Variants in CFAP47 observed in about 807,000 individuals in gnomAD.
CFAP47 encodes the protein cilia- and flagella-associated protein 47.
CFAP47 carries 29 observed loss-of-function variants against 148.1 expected under a neutral mutation model. That is an observed-to-expected ratio of 0.20 (90% CI 0.15 to 0.27). The LOEUF is 0.27. Among genes scored for constraint, CFAP47 ranks in the 10% least tolerant of loss-of-function variants. CFAP47 has a pLI of 1.00. For synonymous variants in CFAP47, 664 were observed against 577.3 expected (o/e 1.15, Z -2.15); for missense variants, 1,872 against 1,697.5 (o/e 1.10, Z -1.81).
At chrX:36,232,998 G>A (rs782382846) in intron 46 of CFAP47, among the ~76,000 whole-genome samples, 3 of 111,749 alleles carry the variant, frequency 2.7e-5, no homozygotes, top group Non-Finnish European at 5.6e-5. Flanking sequence ...TATAATTTCT[G>A]TTCTTTTACA....
intron 51 of CFAP47, 135 bp downstream of exon 51, chrX:36,285,861 G>T: frequency 4.3e-6 from 2 of 460,881 alleles, no homozygotes; most frequent in Non-Finnish European, 7.2e-6. Context: ...GTCAATCATA[G>T]CAATTTTATT....
intron 37 of CFAP47, among the ~76,000 whole-genome samples, chrX:36,158,781 A>AT (rs751669648): frequency 1.4e-3 from 157 of 111,197 alleles, no homozygotes; most frequent in African/African-American, 4.5e-3. Context: ...TGTCAGCTGC[A>AT]TTTTTACAGT....
intron 57 of CFAP47, among the ~76,000 whole-genome samples, chrX:36,328,887 A>C (rs1556013586): frequency 1.8e-5 from 2 of 111,174 alleles, no homozygotes; most frequent in African/African-American, 6.5e-5. Flanking sequence ...TAAACTTAAA[A>C]CCTACCTAAA....
chrX:36,297,683 G>A lies in CFAP47; in HGVS notation c.7687-1294G>A, dbSNP rs150643681. 3.7e-3 allele frequency among the ~76,000 whole-genome samples: 416 copies of A among 111,436 alleles called. 1 individual carries two copies. Among genetic ancestry groups the A allele is most frequent in the Non-Finnish European group, 5.9e-3 (315 of 53,116 alleles). On this transcript the variant is annotated intron_variant, in intron 51 of 63. Transcript: ENST00000378653. ...CAGGGCTAAGACAATGTACCTTGGG[G>A]GAAGGACAGGACGAACAAGAACAGA...
At chrX:36,274,716 G>T (rs1940994927) in intron 49 of CFAP47, among the ~76,000 whole-genome samples, 1 of 111,848 alleles carries the variant, frequency 8.9e-6, no homozygotes, top group South Asian at 3.7e-4. Context: ...ATGAACATTT[G>T]CTGAATGCTT....
intron 57 of CFAP47, among the ~76,000 whole-genome samples, chrX:36,328,793 G>A (rs192768233): frequency 1.0e-5 from 1 of 98,303 alleles, no homozygotes; most frequent in Admixed American, 1.1e-4. Flanking sequence ...GTCCGGCCTG[G>A]GTGACAGAGC....
At chrX:35,972,096 G>A in intron 13 of CFAP47, 131 bp downstream of exon 13, 2 of 447,181 alleles carry the variant, frequency 4.5e-6, no homozygotes, top group East Asian at 3.8e-5. Flanking sequence ...AGTCCTCAGA[G>A]TAGTCATAGT....
At chrX:35,972,477 C>T (rs1054858036) in intron 13 of CFAP47, among the ~76,000 whole-genome samples, 5 of 111,200 alleles carry the variant, frequency 4.5e-5, no homozygotes, top group Non-Finnish European at 9.4e-5. Context: ...AGTGACCCAC[C>T]AGCCTTGGTC....
At chrX:36,142,425 A>G (rs60223323) in intron 35 of CFAP47, among the ~76,000 whole-genome samples, 11,688 of 111,070 alleles carry the variant, frequency 0.11, 1,214 homozygotes, top group African/African-American at 0.32. Context: ...GTCATCAAGG[A>G]GAAAAAAAGG....
chrX:36,100,762 T>A (rs1377986786), intron 32 of CFAP47, among the ~76,000 whole-genome samples: 2 of 112,168 alleles, frequency 1.8e-5, no homozygotes, highest in East Asian at 5.7e-4. Context: ...TGTCAGTAAA[T>A]TTTTTAATAT....
At chrX:36,356,053 T>C (rs1433076574) in intron 60 of CFAP47, among the ~76,000 whole-genome samples, 1 of 111,792 alleles carries the variant, frequency 8.9e-6, no homozygotes, top group African/African-American at 3.3e-5. Context: ...ATAATCAGGG[T>C]CTTGAAAGAA....
intron 51 of CFAP47, among the ~76,000 whole-genome samples, chrX:36,292,504 A>C (rs781864228): frequency 9.8e-5 from 11 of 112,077 alleles, no homozygotes; most frequent in South Asian, 3.7e-4. Flanking sequence ...TTTTCTCCTC[A>C]GAAATAATCC....
chrX:36,075,909 A>G (rs945800934), intron 29 of CFAP47, among the ~76,000 whole-genome samples: 2 of 111,971 alleles, frequency 1.8e-5, no homozygotes, highest in African/African-American at 6.5e-5. Context: ...TATATATACC[A>G]CATTTTCTTT....
intron 49 of CFAP47, among the ~76,000 whole-genome samples, chrX:36,259,603 A>T (rs1298453129): frequency 1.8e-5 from 2 of 111,549 alleles, no homozygotes; most frequent in African/African-American, 6.5e-5. Context: ...TTTTAGGCAC[A>T]TCGTTTGTCA....
At chrX:36,246,742 G>A (rs1555997101) in intron 48 of CFAP47, among the ~76,000 whole-genome samples, 1 of 111,426 alleles carries the variant, frequency 9.0e-6, no homozygotes, top group Non-Finnish European at 1.9e-5. Flanking sequence ...TCTCACACTA[G>A]TCAGAACGGC....
chrX:36,295,088 C>T (rs1941229754), intron 51 of CFAP47, among the ~76,000 whole-genome samples: 1 of 111,655 alleles, frequency 9.0e-6, no homozygotes, highest in East Asian at 2.8e-4. Context: ...TTTCTAAGTA[C>T]CAGCCAGAAA....
chrX:36,065,488 A>G (rs1276266736), intron 26 of CFAP47, among the ~76,000 whole-genome samples, 155 bp from the exon 27 acceptor site: 2 of 112,215 alleles, frequency 1.8e-5, no homozygotes, highest in African/African-American at 3.2e-5. Context: ...AAAAATCATT[A>G]ACATTGAGTA....
At chrX:36,282,407 T>A (rs1354550960) in intron 50 of CFAP47, among the ~76,000 whole-genome samples, 1 of 111,429 alleles carries the variant, frequency 9.0e-6, no homozygotes, top group Admixed American at 9.6e-5. Context: ...TTTATGTTAA[T>A]AGGCTAAAAA....
At chrX:36,184,307 A>G (rs1350969573) in intron 40 of CFAP47, among the ~76,000 whole-genome samples, 3 of 111,520 alleles carry the variant, frequency 2.7e-5, no homozygotes, top group Non-Finnish European at 3.8e-5. Flanking sequence ...GAAGGAGGAG[A>G]ACTTTCTTAT....
Sources: gnomAD v4.1 joint callset for allele counts (sites outside exome capture counted in the v4.1 genomes callset) on GRCh38, gnomAD v4.1.1 for gene constraint, MANE v1.5 for transcripts, NCBI Gene and HGNC (gene_info 2026-07-23, HGNC 2026-07-21) for gene names.